ZNF287: variants seen among roughly 807,000 people sequenced by gnomAD.
ZNF287 encodes zinc finger protein 287, also known as zinc finger protein with KRAB and SCAN domains 13.
ZNF287 carries 31 observed loss-of-function variants against 73.7 expected under a neutral mutation model. The ratio of observed to expected loss-of-function variants is 0.42; its 90% CI spans 0.32 to 0.57. The LOEUF is 0.57. Among genes scored for constraint, ZNF287 ranks in the 20% least tolerant of loss-of-function variants. The probability of loss-of-function intolerance (pLI) is 0.13; values close to 1 mark genes in which losing one functional copy is unlikely to be tolerated. For missense variants in ZNF287, 641 were observed against 909.3 expected, an observed-to-expected ratio of 0.70 and a Z score of 3.79; for synonymous variants, 301 against 307.2, an observed-to-expected ratio of 0.98 and a Z score of 0.21.
rs1906389958 is a variant in ZNF287, at chr17:16,548,148, CT to C, written c.*3707del. On this transcript the variant is annotated 3_prime_UTR_variant, in exon 6 of 6. Coordinates refer to ENST00000395825, the MANE Select transcript of ZNF287 (RefSeq NM_020653.4). ...TTCAGGCAACGATCACCGTTGGTTA[CT>C]TTTTACCAGGTAAAAAGTTGTTGGC... Among the ~76,000 whole-genome samples the C allele has an allele frequency of 6.6e-6, 1 of 152,124 alleles. No individual in the cohort carries two copies. The highest frequency in any genetic ancestry group is 6.6e-5 in the Admixed American group (1 of 15,260).
chr17:16,554,163 T>G (rs1158788190), intron 5 of ZNF287, among the ~76,000 whole-genome samples: 3 of 152,030 alleles, frequency 2.0e-5, no homozygotes, highest in Non-Finnish European at 1.5e-5. Flanking sequence ...TATTGTCTCC[T>G]ACTACAACTC....
intron 5 of ZNF287, chr17:16,558,302 C>CT (rs959988674): frequency 5.7e-4 from 84 of 147,936 alleles, no homozygotes; most frequent in Non-Finnish European, 8.0e-4. Flanking sequence ...GGTAGCATAT[C>CT]TTTTTTTTTT....
At chr17:16,557,304 A>C (rs183535539) in intron 5 of ZNF287, among the ~76,000 whole-genome samples, 5 of 152,344 alleles carry the variant, frequency 3.3e-5, no homozygotes, top group African/African-American at 1.2e-4. Flanking sequence ...ATTTCTAAAC[A>C]GAGGAGATTA....
Position 16,567,868 on chromosome 17 carries a change from T to C in ZNF287, c.-137A>G. On this transcript the variant is annotated 5_prime_UTR_variant, in exon 2 of 6. Coordinates refer to ENST00000395825, the MANE Select transcript of ZNF287 (RefSeq NM_020653.4). ...AGCCGAGGGCAGAACAGAATCAAGG[T>C]AGAGTTAGCAGCCTTAGTGACAAAT... 16 of 1,449,662 alleles carry C rather than the reference T, an allele frequency of 1.1e-5. No individual in the cohort carries two copies. The highest frequency in any genetic ancestry group is 1.4e-5 in the Non-Finnish European group (16 of 1,106,740). 89.8% of individuals were successfully genotyped at this position (1,449,662 alleles called of 1,614,324 possible).
rs766292687 is a variant in ZNF287 at position 16,553,029 on chromosome 17, A to G, written c.1113T>C (p.Asn371=). 2.5e-6 allele frequency: 4 copies of G among 1,614,178 alleles called. No homozygotes were observed. In the Admixed American group the frequency reaches 6.7e-5, roughly 27 times the overall value. ...ILPGEKPYKC[N]VCGKKFRKYP... is the part of the protein sequence containing the mutation. ...ATTTCCTAAATTTTTTCCCACACAC[A>G]TTACACTTGTAAGGCTTCTCTCCAG... The change falls in exon 6 of 6, where the codon AAT becomes AAC. Residue 371 remains asparagine (N), a synonymous_variant. Coordinates refer to ENST00000395825, the MANE Select transcript of ZNF287 (RefSeq NM_020653.4).
chr17:16,562,788 CAAAA>C (rs759414393), intron 5 of ZNF287, among the ~76,000 whole-genome samples: 23 of 151,962 alleles, frequency 1.5e-4, no homozygotes, highest in Admixed American at 6.6e-5. Flanking sequence ...AAAAGAAACT[CAAAA>C]AGAAGAAGGT....
intron 5 of ZNF287, among the ~76,000 whole-genome samples, chr17:16,556,801 A>C (rs1394622101): frequency 6.6e-6 from 1 of 152,206 alleles, no homozygotes. Flanking sequence ...AACAAACTTA[A>C]AGTGACAAGG....
chr17:16,567,158 G>A (rs894645130), intron 2 of ZNF287, among the ~76,000 whole-genome samples, 171 bp downstream of exon 2: 4 of 152,156 alleles, frequency 2.6e-5, no homozygotes, highest in African/African-American at 9.7e-5. Flanking sequence ...TCATGTTAAA[G>A]CCTTGTTCTC....
At chr17:16,560,992 G>C (rs1907417540) in intron 5 of ZNF287, among the ~76,000 whole-genome samples, 1 of 145,716 alleles carries the variant, frequency 6.9e-6, no homozygotes, top group Non-Finnish European at 1.5e-5. Flanking sequence ...AACAGACCGA[G>C]ACTCCGTCTC....
At chr17:16,568,041 A>G in intron 1 of ZNF287, 112 bp from the exon 2 acceptor site, 1 of 1,011,142 alleles carries the variant, frequency 9.9e-7, no homozygotes, top group Non-Finnish European at 1.2e-6. Context: ...CATAAGCTTT[A>G]CCTTGTCTTC....
chr17:16,563,349 G>GA, intron 4 of ZNF287, 117 bp from the exon 5 acceptor site: 2 of 687,744 alleles, frequency 2.9e-6, no homozygotes, highest in Non-Finnish European at 2.4e-6. Flanking sequence ...AATAGTTCAT[G>GA]GACATGATCT....
rs1461731265 is a variant in ZNF287 at position 16,551,794 on chromosome 17, T to A, written c.*62A>T. ...GACTTCTTCTGAATGTTCTGACACA[T>A]AGAATGCACAAAACAAAATTGAAAC... On this transcript the variant is annotated 3_prime_UTR_variant, in exon 6 of 6. Transcript: ENST00000395825. 6 of 1,519,092 alleles carry A rather than the reference T, an allele frequency of 3.9e-6. No homozygotes were observed. The highest frequency in any genetic ancestry group is 2.3e-5 in the East Asian group (1 of 44,266). 94.1% of individuals were successfully genotyped at this position (1,519,092 alleles called of 1,614,324 possible).
chr17:16,550,754 C>A lies in ZNF287; in HGVS notation c.*1102G>T, dbSNP rs1015850706. Among the ~76,000 whole-genome samples, 1 of 152,086 alleles carries A rather than the reference C, an allele frequency of 6.6e-6. No individual in the cohort carries two copies. The highest frequency in any genetic ancestry group is 2.4e-5 in the African/African-American group (1 of 41,406). ...TAGTAGACACTCAAGAAACGTGTTT[C>A]AGTGGAAGAAATGAACTTTCCATAG... On this transcript the variant is annotated 3_prime_UTR_variant, in exon 6 of 6. Coordinates refer to ENST00000395825, the MANE Select transcript of ZNF287 (RefSeq NM_020653.4).
rs1907849191 is a variant in ZNF287 at position 16,567,854 on chromosome 17, G to A, written c.-123C>T. ...TCAAAGGCTGCTGCAGCCGAGGGCA[G>A]AACAGAATCAAGGTAGAGTTAGCAG... On this transcript the variant is annotated 5_prime_UTR_variant, in exon 2 of 6. Coordinates refer to ENST00000395825, the MANE Select transcript of ZNF287 (RefSeq NM_020653.4). The A allele has an allele frequency of 2.7e-6, 4 of 1,468,228 alleles. No individual in the cohort carries two copies. Among genetic ancestry groups the A allele is most frequent in the Non-Finnish European group, 3.6e-6 (4 of 1,116,614 alleles). 91.0% of individuals were successfully genotyped at this position (1,468,228 alleles called of 1,614,324 possible). A position where few individuals can be genotyped will look rare whatever the true frequency, so the allele number is the denominator to read the frequency against.
chr17:16,557,932 A>G (rs1052920651), intron 5 of ZNF287: 1 of 152,226 alleles, frequency 6.6e-6, no homozygotes, highest in Middle Eastern at 3.2e-3. Flanking sequence ...CTCCAAATGC[A>G]TAACTATACA....
In ZNF287 at chr17:16,549,417, T is replaced by C. The variant is rs182916942; in HGVS notation, c.*2439A>G. Among the ~76,000 whole-genome samples the C allele has an allele frequency of 2.4e-3, 363 of 152,328 alleles. 7 individuals carry two copies. The highest frequency in any genetic ancestry group is 0.022 in the Admixed American group (342 of 15,304). On this transcript the variant is annotated 3_prime_UTR_variant, in exon 6 of 6. Coordinates refer to ENST00000395825, the MANE Select transcript of ZNF287 (RefSeq NM_020653.4). ...GCGCTATGGACTGTCACATGCCACA[T>C]GCTCAACCAAGGGAAATAAGTGCTG... is the stretch of plus-strand genomic sequence containing the variant.
At position 16,560,629 on chromosome 17, in the gene ZNF287, C is replaced by T. The variant is rs370430058; in HGVS notation, c.715+2517G>A. Among the ~76,000 whole-genome samples the T allele has an allele frequency of 3.4e-3, 519 of 151,554 alleles. 3 individuals are homozygous for T. Among genetic ancestry groups the T allele is most frequent in the Admixed American group, 6.8e-3 (103 of 15,256 alleles). Reference sequence around the variant, plus strand: ...TCCCAAAGTGCTGGGATTACAAGCGCGAGCCACCGTACCCGGCTGAAAGGG... The same window carrying T: ...TCCCAAAGTGCTGGGATTACAAGCGTGAGCCACCGTACCCGGCTGAAAGGG... On this transcript the variant is annotated intron_variant, in intron 5 of 5. Transcript: ENST00000395825.
Position 16,552,216 on chromosome 17 carries a change from A to G in ZNF287, c.1926T>C (p.His642=), listed in dbSNP as rs1238342577. 3 of 1,614,034 alleles carry G rather than the reference A, an allele frequency of 1.9e-6. No homozygotes were observed. The South Asian group carries it at 3.3e-5, about 18-fold the overall frequency. Residue 642 remains histidine (H), a synonymous_variant, in exon 6 of 6, where the codon CAT becomes CAC. Transcript: ENST00000395825. The surrounding 1 kb of genome is among the most constrained non-coding windows in gnomAD (Gnocchi z 6.5). ...TGCATTTAAAGGGTTTTTCTCCATT[A>G]TGAATCCTCTGATGTTGAGTAAGGT... ...SVHLTQHQRI[H]NGEKPFKCNI...
At chr17:16,553,677 A>G (rs1906852465) in intron 5 of ZNF287, among the ~76,000 whole-genome samples, 1 of 152,230 alleles carries the variant, frequency 6.6e-6, no homozygotes, top group South Asian at 2.1e-4. Flanking sequence ...GTCAGGTGAC[A>G]GAGCTAAGAG....
Sources: gnomAD v4.1 joint callset for allele counts (sites outside exome capture counted in the v4.1 genomes callset) on GRCh38, gnomAD v4.1.1 for gene constraint, Gnocchi (gnomAD v3.1) non-coding constraint, MANE v1.5 for transcripts, NCBI Gene and HGNC (gene_info 2026-07-23, HGNC 2026-07-21) for gene names.